SP4: variants seen among roughly 807,000 people sequenced by gnomAD.
SP4 encodes Sp4 transcription factor, also known as transcription factor Sp4.
SP4 carries 19 observed loss-of-function variants against 72.8 expected under a neutral mutation model. The ratio of observed to expected loss-of-function variants is 0.26; its 90% CI spans 0.18 to 0.38. The LOEUF is 0.38. Ranked by LOEUF, SP4 falls within the 10% of genes least tolerant of loss-of-function variation. The pLI is 1.00. For synonymous variants in SP4, 395 were observed against 333.1 expected (o/e 1.19, Z -2.02); for missense variants, 1,008 against 926.3 (o/e 1.09, Z -1.14).
intron 4 of SP4, among the ~76,000 whole-genome samples, chr7:21,481,457 G>T (rs768350595): frequency 3.2e-4 from 49 of 152,082 alleles, no homozygotes; most frequent in Non-Finnish European, 1.3e-4. Context: ...TTTGCTTTTA[G>T]AACCATTTCC....
intron 5 of SP4, among the ~76,000 whole-genome samples, chr7:21,507,323 A>T (rs974999307): frequency 7.2e-5 from 11 of 152,210 alleles, no homozygotes; most frequent in African/African-American, 2.7e-4. Context: ...GAAGTTCTCA[A>T]TATCCCTCTT....
intron 5 of SP4, among the ~76,000 whole-genome samples, chr7:21,486,086 T>C (rs1488246430): frequency 6.6e-6 from 1 of 152,084 alleles, no homozygotes; most frequent in Admixed American, 6.5e-5. Context: ...TAATACAGTA[T>C]TCTAGATTGA....
At position 21,512,969 on chromosome 7, in the gene SP4, G is replaced by A. The variant is rs1583456342; in HGVS notation, c.*1700G>A. On this transcript the variant is annotated 3_prime_UTR_variant, in exon 6 of 6. Transcript: ENST00000222584. Reference sequence around the variant, plus strand: ...TAAGGATATTTTATGTTTTAAAAAAGTATTTACACAGAATCATAATCAGTG... The same window carrying A: ...TAAGGATATTTTATGTTTTAAAAAAATATTTACACAGAATCATAATCAGTG... 6.6e-6 allele frequency: 1 copy of A among 152,570 alleles called. No homozygotes were observed. Among genetic ancestry groups the A allele is most frequent in the Non-Finnish European group, 1.5e-5 (1 of 68,020 alleles). 9.5% of individuals were successfully genotyped at this position (152,570 alleles called of 1,614,324 possible).
At chr7:21,446,566 G>C (rs1243449141) in intron 3 of SP4, among the ~76,000 whole-genome samples, 1 of 152,114 alleles carries the variant, frequency 6.6e-6, no homozygotes, top group Non-Finnish European at 1.5e-5. Context: ...TGTGTGTGTA[G>C]TGTGTTTCGT....
chr7:21,493,323 C>A (rs1785026844), intron 5 of SP4, among the ~76,000 whole-genome samples: 1 of 151,878 alleles, frequency 6.6e-6, no homozygotes, highest in Non-Finnish European at 1.5e-5. Context: ...GAAAAAGTTT[C>A]AAGGGAAATT....
intron 3 of SP4, among the ~76,000 whole-genome samples, chr7:21,474,471 A>G (rs1381562388): frequency 6.6e-6 from 1 of 152,222 alleles, no homozygotes; most frequent in Non-Finnish European, 1.5e-5. Context: ...AAGTGTGTGT[A>G]TCACTGTGCT....
chr7:21,495,558 A>C (rs901680418), intron 5 of SP4, among the ~76,000 whole-genome samples: 2 of 152,172 alleles, frequency 1.3e-5, no homozygotes, highest in Admixed American at 1.3e-4. Context: ...CACCTATTAG[A>C]ATGGCTAAAA....
chr7:21,439,845 G>T (rs769743291), intron 3 of SP4, among the ~76,000 whole-genome samples: 1 of 152,194 alleles, frequency 6.6e-6, no homozygotes, highest in Non-Finnish European at 1.5e-5. Context: ...TAAGGTTATA[G>T]TAAGCTATGA....
At chr7:21,471,513 C>G (rs975804626) in intron 3 of SP4, among the ~76,000 whole-genome samples, 1 of 152,070 alleles carries the variant, frequency 6.6e-6, no homozygotes, top group East Asian at 1.9e-4. Flanking sequence ...TTTACATACC[C>G]CTGAGAACCT....
chr7:21,511,591 T>A lies in SP4; in HGVS notation c.*322T>A, dbSNP rs1583455223. The A allele has an allele frequency of 9.1e-6, 2 of 219,522 alleles. No individual in the cohort carries two copies. The highest frequency in any genetic ancestry group is 1.9e-4 in the East Asian group (2 of 10,272). 13.6% of individuals were successfully genotyped at this position (219,522 alleles called of 1,614,324 possible). A position where few individuals can be genotyped will look rare whatever the true frequency, so the allele number is the denominator to read the frequency against. ...AACATGTTTAAAAAGACCTTAGTAGTTTGCAGGCTGGACCTTAATTGGACT... is the reference window on the plus strand; with the variant it reads ...AACATGTTTAAAAAGACCTTAGTAGATTGCAGGCTGGACCTTAATTGGACT... On this transcript the variant is annotated 3_prime_UTR_variant, in exon 6 of 6. Transcript: ENST00000222584.
rs60666320 is a variant in SP4, at chr7:21,472,829, G to C, written c.1679-4250G>C. ...CAAAAAGGAGCTAACAGAGAAGAAG[G>C]GGTTTCTGAAATGTAGGAAGTTAGC... On this transcript the variant is annotated intron_variant, in intron 3 of 5. Transcript: ENST00000222584. Among the ~76,000 whole-genome samples, 1,318 of 152,014 alleles carry C rather than the reference G, an allele frequency of 8.7e-3. 21 individuals are homozygous for C. The highest frequency in any genetic ancestry group is 0.029 in the African/African-American group (1,205 of 41,454).
At chr7:21,476,875 T>C (rs1316625868) in intron 3 of SP4, among the ~76,000 whole-genome samples, 1 of 152,202 alleles carries the variant, frequency 6.6e-6, no homozygotes, top group Non-Finnish European at 1.5e-5. Flanking sequence ...AGTTCCGTTA[T>C]CTAGATACAT....
chr7:21,479,187 T>C (rs73265661), intron 4 of SP4, among the ~76,000 whole-genome samples: 87 of 152,260 alleles, frequency 5.7e-4, no homozygotes, highest in African/African-American at 2.1e-3. Flanking sequence ...AGTTTTCTAT[T>C]TTCCTTTATT....
At position 21,477,328 on chromosome 7, in the gene SP4, C is replaced by T. The variant is rs1033877678; in HGVS notation, c.1907+21C>T. ...GGAAGGTAAATGCTGTATTTTTCAACTGTGTCTATTTGGAAGGCATAAAAC... is the reference window on the plus strand; with the variant it reads ...GGAAGGTAAATGCTGTATTTTTCAATTGTGTCTATTTGGAAGGCATAAAAC... On this transcript the variant is annotated intron_variant, in intron 4 of 5. Transcript: ENST00000222584. The T allele has an allele frequency of 5.9e-6, 9 of 1,535,732 alleles. No individual in the cohort carries two copies. The African/African-American group carries it at 6.8e-5, about 12-fold the overall frequency.
In SP4 at chr7:21,511,403, G is replaced by T. The variant is rs1407977212; in HGVS notation, c.*134G>T. 1.8e-5 allele frequency: 17 copies of T among 925,604 alleles called. No homozygotes were observed. Among genetic ancestry groups the T allele is most frequent in the Non-Finnish European group, 2.2e-5 (14 of 624,718 alleles). The allele number at this position is 925,604 out of a possible 1,614,324, so 57.3% of individuals were successfully genotyped here. ...TCTTGGCTTCTTTAAGTATTCCAGG[G>T]TTTGGGGTCAACACGTGAAGTGTTG... On this transcript the variant is annotated 3_prime_UTR_variant, in exon 6 of 6. Transcript: ENST00000222584.
intron 5 of SP4, among the ~76,000 whole-genome samples, chr7:21,508,300 G>T (rs1293776601): frequency 1.3e-5 from 2 of 152,182 alleles, no homozygotes; most frequent in African/African-American, 4.8e-5. Flanking sequence ...AACAATGGAA[G>T]CGAGACTTTT....
At chr7:21,432,599 G>T (rs919243215) in intron 3 of SP4, among the ~76,000 whole-genome samples, 1 of 152,202 alleles carries the variant, frequency 6.6e-6, no homozygotes, top group African/African-American at 2.4e-5. Context: ...CTTGAATGGT[G>T]CATTAAAATA....
chr7:21,433,512 C>T (rs749532132), intron 3 of SP4, among the ~76,000 whole-genome samples: 1 of 152,198 alleles, frequency 6.6e-6, no homozygotes, highest in Non-Finnish European at 1.5e-5. Flanking sequence ...TTGACAAATG[C>T]TCTTTGAACT....
intron 5 of SP4, chr7:21,482,806 T>G (rs1309048487): frequency 1.0e-6 from 1 of 958,444 alleles, no homozygotes; most frequent in African/African-American, 1.8e-5. Context: ...TCACTTGTTT[T>G]GAGATCTGTT....
Sources: allele counts gnomAD v4.1 joint callset (sites outside exome capture counted in the v4.1 genomes callset), GRCh38; gene constraint gnomAD v4.1.1; transcripts MANE v1.5; gene names NCBI Gene and HGNC (gene_info 2026-07-23, HGNC 2026-07-21).